NLGN1: variants seen among roughly 807,000 people sequenced by gnomAD.
NLGN1 encodes the protein neuroligin 1, also known as neuroligin-1.
In NLGN1, 12 loss-of-function variants were observed where a neutral mutation model predicts 65.5. The ratio of observed to expected loss-of-function variants is 0.18; its 90% CI spans 0.12 to 0.30. The LOEUF (loss-of-function observed/expected upper bound fraction) is 0.30, where lower values mean the gene tolerates loss of function less well. NLGN1 is among the 10% of genes least tolerant of loss of function. The pLI is 1.00. For missense variants in NLGN1, 750 were observed against 1,007.1 expected, an observed-to-expected ratio of 0.74 and a Z score of 3.46; for synonymous variants, 350 against 359.5, an observed-to-expected ratio of 0.97 and a Z score of 0.30.
At chr3:173,814,250 A>G (rs1305604830) in intron 4 of NLGN1, among the ~76,000 whole-genome samples, 1 of 152,244 alleles carries the variant, frequency 6.6e-6, no homozygotes, top group Non-Finnish European at 1.5e-5. Flanking sequence ...ATATTTGGTG[A>G]TTTCACTTAT....
intron 2 of NLGN1, among the ~76,000 whole-genome samples, chr3:173,460,540 A>T (rs1272901311): frequency 6.6e-6 from 1 of 152,118 alleles, no homozygotes; most frequent in East Asian, 1.9e-4. Flanking sequence ...TCAAGAACTG[A>T]AGGTATGGTT....
At chr3:173,864,436 A>T (rs551465377) in intron 4 of NLGN1, among the ~76,000 whole-genome samples, 1 of 152,318 alleles carries the variant, frequency 6.6e-6, no homozygotes, top group South Asian at 2.1e-4. Context: ...ATCATAAGAC[A>T]ATTTTTACCA....
intron 4 of NLGN1, among the ~76,000 whole-genome samples, chr3:174,224,465 G>A (rs758198259): frequency 1.3e-5 from 2 of 152,164 alleles, no homozygotes; most frequent in Non-Finnish European, 2.9e-5. Flanking sequence ...TTGGGAGGCC[G>A]AGGCGGGTAG....
intron 4 of NLGN1, among the ~76,000 whole-genome samples, chr3:173,875,530 T>G (rs947656095): frequency 1.3e-5 from 2 of 152,208 alleles, no homozygotes; most frequent in African/African-American, 4.8e-5. Flanking sequence ...AATAATACAT[T>G]TAAAATAAAC....
At chr3:173,609,813 T>A (rs1303661413) in intron 3 of NLGN1, among the ~76,000 whole-genome samples, 1 of 151,714 alleles carries the variant, frequency 6.6e-6, no homozygotes, top group Non-Finnish European at 1.5e-5. Context: ...GGGTGAGAAA[T>A]TGAAACAGAG....
chr3:174,007,200 G>T (rs1197359008), intron 4 of NLGN1, among the ~76,000 whole-genome samples: 1 of 152,140 alleles, frequency 6.6e-6, no homozygotes, highest in Non-Finnish European at 1.5e-5. Context: ...GGCCTCAAGA[G>T]AAACCAAACC....
rs565745841 is a variant in NLGN1 at position 173,820,097 on chromosome 3, C to G, written c.646+12265C>G. ...GGTAGGCTGAGGCAGGAGAATGGCG[C>G]GAACCCGGGAGGCGGAGCTTGCAGT... On this transcript the variant is annotated intron_variant, in intron 4 of 6. Coordinates refer to ENST00000457714, the Ensembl canonical transcript of NLGN1. 2.4e-4 allele frequency among the ~76,000 whole-genome samples: 36 copies of G among 150,270 alleles called. No individual in the cohort carries two copies. The East Asian group carries it at 3.9e-3, about 16-fold the overall frequency.
intron 3 of NLGN1, among the ~76,000 whole-genome samples, chr3:173,733,818 T>A (rs35006472): frequency 2.6e-5 from 4 of 151,806 alleles, no homozygotes; most frequent in South Asian, 4.2e-4. Flanking sequence ...GAACACTGTT[T>A]GTGTAAAAAT....
At chr3:174,221,539 A>G (rs1738650291) in intron 4 of NLGN1, among the ~76,000 whole-genome samples, 1 of 152,154 alleles carries the variant, frequency 6.6e-6, no homozygotes, top group Non-Finnish European at 1.5e-5. Flanking sequence ...TTTTGGTGTC[A>G]TGAACAATAA....
Position 173,793,754 on chromosome 3 carries a change from C to T in NLGN1, c.494-13926C>T, listed in dbSNP as rs1713334866. ...TTCACTTCCATAAAGCAATTCTTGTCTGATGAGAGCATAATGCAGGCTTCT... is the reference window on the plus strand; with the variant it reads ...TTCACTTCCATAAAGCAATTCTTGTTTGATGAGAGCATAATGCAGGCTTCT... On this transcript the variant is annotated intron_variant, in intron 3 of 6. Transcript: ENST00000457714. Among the ~76,000 whole-genome samples, 3 of 152,150 alleles carry T rather than the reference C, an allele frequency of 2.0e-5. No individual in the cohort carries two copies. In the South Asian group the frequency reaches 6.2e-4, roughly 32 times the overall value.
chr3:174,211,161 A>C (rs6445156), intron 4 of NLGN1, among the ~76,000 whole-genome samples: 112,103 of 152,140 alleles, frequency 0.74, 41,374 homozygotes, highest in East Asian at 0.8. Flanking sequence ...AAAGAGTGAG[A>C]AGTAGCAAGA....
chr3:173,801,455 C>T (rs1329700184), intron 3 of NLGN1, among the ~76,000 whole-genome samples: 5 of 151,918 alleles, frequency 3.3e-5, no homozygotes, highest in South Asian at 2.1e-4. Flanking sequence ...AAATAATCTA[C>T]AACAAGGACA....
chr3:174,284,718 A>G (rs190113203), exon 7 of NLGN1: 133 of 151,542 alleles, frequency 8.8e-4, no homozygotes, highest in Non-Finnish European at 1.6e-3. Flanking sequence ...CCACAGATAT[A>G]TAACAAAGTT....
chr3:174,083,021 C>T (rs548884129), intron 4 of NLGN1, among the ~76,000 whole-genome samples: 3 of 152,302 alleles, frequency 2.0e-5, no homozygotes, highest in East Asian at 3.9e-4. Context: ...GCCACCATGC[C>T]TGGCCCTGTT....
At chr3:174,197,531 AAAAAAAG>A (rs1201377128) in intron 4 of NLGN1, among the ~76,000 whole-genome samples, 1 of 151,090 alleles carries the variant, frequency 6.6e-6, no homozygotes, top group Non-Finnish European at 1.5e-5. Context: ...AAAAAAAAAA[AAAAAAAG>A]GAGAATCCAG....
chr3:173,561,610 A>ATAGTATACTATAC (rs1301576322), intron 2 of NLGN1, among the ~76,000 whole-genome samples: 1 of 152,242 alleles, frequency 6.6e-6, no homozygotes, highest in Non-Finnish European at 1.5e-5. Flanking sequence ...AGAATTAATT[A>ATAGTATACTATAC]AAATTAGAGA....
At chr3:174,159,317 T>C (rs1319737) in intron 4 of NLGN1, among the ~76,000 whole-genome samples, 40,324 of 151,580 alleles carry the variant, frequency 0.27, 6,521 homozygotes, top group African/African-American at 0.45. Flanking sequence ...GTTACTTAAC[T>C]ACAGACAAAT....
chr3:173,471,395 G>A (rs1370041067), intron 2 of NLGN1, among the ~76,000 whole-genome samples: 1 of 151,960 alleles, frequency 6.6e-6, no homozygotes. Flanking sequence ...TGGTTTGCAG[G>A]CAACCTTTGG....
Position 174,162,919 on chromosome 3 carries a change from C to T in NLGN1, c.647-112396C>T, listed in dbSNP as rs542198367. Among the ~76,000 whole-genome samples, 25 of 151,850 alleles carry T rather than the reference C, an allele frequency of 1.6e-4. No homozygotes were observed. The South Asian group carries it at 5.2e-3, about 32-fold the overall frequency. The stretch of plus-strand genomic sequence containing the variant: ...AATGAAATATCAGTTTTTATTGACA[C>T]CTCTGAGAGGAAGATATATACAGCC... On this transcript the variant is annotated intron_variant, in intron 4 of 6. Transcript: ENST00000457714.
Sources: allele counts gnomAD v4.1 joint callset (sites outside exome capture counted in the v4.1 genomes callset), GRCh38; gene constraint gnomAD v4.1.1; transcripts MANE v1.5; gene names NCBI Gene and HGNC (gene_info 2026-07-23, HGNC 2026-07-21).